NREP: variants seen among roughly 807,000 people sequenced by gnomAD.
NREP encodes the protein neuronal regeneration related protein.
NREP carries 5 observed loss-of-function variants against 8.6 expected under a neutral mutation model. The ratio of observed to expected loss-of-function variants is 0.58; its 90% CI spans 0.30 to 1.22. The LOEUF (loss-of-function observed/expected upper bound fraction) is 1.22, where lower values mean the gene tolerates loss of function less well. Ranked by LOEUF, NREP falls within the 50% of genes most tolerant of loss-of-function variation. The pLI is 0.07. For synonymous variants in NREP, 27 were observed against 28.0 expected (o/e 0.96, Z 0.11); for missense variants, 86 against 82.5 (o/e 1.04, Z -0.17).
chr5:111,874,682 C>G (rs1753864924), intron 2 of NREP, among the ~76,000 whole-genome samples: 1 of 152,096 alleles, frequency 6.6e-6, no homozygotes, highest in Non-Finnish European at 1.5e-5. Flanking sequence ...CTTCTCCCTC[C>G]AAATCATCAG....
intron 2 of NREP, among the ~76,000 whole-genome samples, chr5:111,958,585 ATAGTT>A (rs1297926661): frequency 1.3e-5 from 2 of 152,016 alleles, no homozygotes; most frequent in South Asian, 2.1e-4. Flanking sequence ...TCAGAAGCAC[ATAGTT>A]TAATCTAAAA....
At chr5:111,827,293 C>T (rs1199975317) in intron 2 of NREP, among the ~76,000 whole-genome samples, 3 of 152,164 alleles carry the variant, frequency 2.0e-5, no homozygotes, top group South Asian at 2.1e-4. Flanking sequence ...TTGCTTCCTA[C>T]CTATACTTGT....
At chr5:111,929,655 C>T (rs1344659392) in intron 2 of NREP, among the ~76,000 whole-genome samples, 1 of 152,182 alleles carries the variant, frequency 6.6e-6, no homozygotes. Context: ...CACACAGTAA[C>T]CTTTACACAT....
intron 2 of NREP, among the ~76,000 whole-genome samples, chr5:111,826,026 T>C (rs555870615): frequency 2.8e-4 from 42 of 151,582 alleles, no homozygotes; most frequent in Non-Finnish European, 5.0e-4. Flanking sequence ...CAGTCTCAGC[T>C]CACTGTAACC....
At position 111,790,802 on chromosome 5, in the gene NREP, T is replaced by C. The variant is rs1477482324; in HGVS notation, c.136-55295A>G. The stretch of plus-strand genomic sequence containing the variant: ...ATATATTGTTGAGTACAAATGACAC[T>C]TGAACAACACAGGTTTAAATTGTAT... On this transcript the variant is annotated intron_variant, in intron 2 of 3. Transcript: ENST00000395634. Among the ~76,000 whole-genome samples the C allele has an allele frequency of 2.6e-5, 4 of 152,138 alleles. No homozygotes were observed. In the East Asian group the frequency reaches 5.8e-4, roughly 22 times the overall value.
chr5:111,872,357 G>A (rs568841839), intron 2 of NREP, among the ~76,000 whole-genome samples: 51 of 152,284 alleles, frequency 3.3e-4, no homozygotes, highest in African/African-American at 9.9e-4. Context: ...TCTCCACATT[G>A]TGGAGGGCAA....
chr5:111,918,443 C>T (rs997820605), intron 2 of NREP, among the ~76,000 whole-genome samples: 1 of 152,160 alleles, frequency 6.6e-6, no homozygotes, highest in Admixed American at 6.5e-5. Context: ...ATCATGCTAC[C>T]TGACTTCAAA....
chr5:111,903,521 G>A (rs1212829950), intron 2 of NREP, among the ~76,000 whole-genome samples: 1 of 152,086 alleles, frequency 6.6e-6, no homozygotes, highest in Non-Finnish European at 1.5e-5. Context: ...TCTGACTTTG[G>A]TAATTACATT....
chr5:111,822,182 T>G (rs889233414), intron 2 of NREP, among the ~76,000 whole-genome samples: 1 of 152,268 alleles, frequency 6.6e-6, no homozygotes, highest in South Asian at 2.1e-4. Flanking sequence ...AATCAAGTCT[T>G]TGAAGGCATT....
At chr5:111,805,450 T>C (rs1218918985) in intron 2 of NREP, among the ~76,000 whole-genome samples, 1 of 152,178 alleles carries the variant, frequency 6.6e-6, no homozygotes, top group African/African-American at 2.4e-5. Flanking sequence ...ATAAACTATG[T>C]TACAGCCACA....
rs376302044 is a variant in NREP at position 111,894,699 on chromosome 5, G to C, written c.135+80575C>G. Among the ~76,000 whole-genome samples the C allele has an allele frequency of 7.1e-4, 108 of 152,210 alleles. 2 individuals carry two copies. The South Asian group carries it at 0.022, about 30-fold the overall frequency. ...ACTGTACCTATGATCCAGGCTGCCCGCATGAATTTTACTTACAGGCAATGA... is the reference window on the plus strand; with the variant it reads ...ACTGTACCTATGATCCAGGCTGCCCCCATGAATTTTACTTACAGGCAATGA... On this transcript the variant is annotated intron_variant, in intron 2 of 3. Coordinates refer to the NREP transcript ENST00000395634.
chr5:111,829,932 G>A (rs1028782481), intron 2 of NREP, among the ~76,000 whole-genome samples: 6 of 152,152 alleles, frequency 3.9e-5, no homozygotes, highest in African/African-American at 1.2e-4. Flanking sequence ...TGGACTGGGT[G>A]TACAGTGCTG....
intron 2 of NREP, among the ~76,000 whole-genome samples, chr5:111,957,570 TATA>T (rs1209608544): frequency 7.1e-6 from 1 of 140,180 alleles, no homozygotes; most frequent in Non-Finnish European, 1.5e-5. Flanking sequence ...ATGATATTAA[TATA>T]ATATTTACAC....
At chr5:111,734,606 T>C (rs1202977196) in intron 3 of NREP, 1 of 547,666 alleles carries the variant, frequency 1.8e-6, no homozygotes. Context: ...GTTGATACTA[T>C]TTAGTGTAAA....
chr5:111,785,113 A>G (rs943557014), intron 2 of NREP, among the ~76,000 whole-genome samples: 1 of 152,142 alleles, frequency 6.6e-6, no homozygotes, highest in Non-Finnish European at 1.5e-5. Context: ...AAGAAGAGGA[A>G]GTCTTCCAAG....
chr5:111,734,761 A>G, intron 3 of NREP: 1 of 699,360 alleles, frequency 1.4e-6, no homozygotes, highest in Non-Finnish European at 2.6e-6. Context: ...TCAGCAAGTC[A>G]TTGGTTAAAA....
intron 2 of NREP, among the ~76,000 whole-genome samples, chr5:111,845,564 C>G (rs532977698): frequency 6.6e-6 from 1 of 152,008 alleles, no homozygotes; most frequent in Non-Finnish European, 1.5e-5. Context: ...AAAAGTCATG[C>G]GTTATAAATC....
intron 2 of NREP, among the ~76,000 whole-genome samples, chr5:111,940,561 C>A (rs1209619185): frequency 6.6e-6 from 1 of 152,048 alleles, no homozygotes; most frequent in Non-Finnish European, 1.5e-5. Context: ...AGTAGGCATG[C>A]CTTTCTCTAC....
intron 2 of NREP, among the ~76,000 whole-genome samples, chr5:111,844,229 T>C (rs1753102455): frequency 1.3e-5 from 2 of 152,036 alleles, no homozygotes; most frequent in South Asian, 2.1e-4. Context: ...ATTTCCACTG[T>C]TTTACTTTTT....
Sources: gnomAD v4.1 joint callset for allele counts (sites outside exome capture counted in the v4.1 genomes callset) on GRCh38, gnomAD v4.1.1 for gene constraint, MANE v1.5 for transcripts, NCBI Gene and HGNC (gene_info 2026-07-23, HGNC 2026-07-21) for gene names.